Variants in XIRP2 observed in about 807,000 individuals in gnomAD.
The protein encoded by XIRP2 is xin actin binding repeat containing 2.
A neutral mutation model predicts 277.0 loss-of-function variants in XIRP2; 236 were observed. That is an observed-to-expected ratio of 0.85 (90% CI 0.77 to 0.95). The LOEUF is 0.95. Among genes scored for constraint, XIRP2 ranks in the 40% least tolerant of loss-of-function variants. The pLI, the probability that XIRP2 is intolerant of heterozygous loss-of-function variation, is 0.00. For missense variants in XIRP2, 4,640 were observed against 4,157.5 expected (o/e 1.12, Z -3.19); for synonymous variants, 1,490 against 1,416.5 (o/e 1.05, Z -1.17).
chr2:167,168,849 C>T (rs911375553), intron 3 of XIRP2, among the ~76,000 whole-genome samples: 1 of 152,098 alleles, frequency 6.6e-6, no homozygotes, highest in Non-Finnish European at 1.5e-5. Flanking sequence ...CTCCTGACCT[C>T]GTGATCCGCC....
rs1277815474 is a variant in XIRP2 at position 167,250,135 on chromosome 2, G to T, written c.8743G>T (p.Asp2915Tyr). The T allele has an allele frequency of 3.7e-6, 6 of 1,613,160 alleles. No homozygotes were observed. In the South Asian group the frequency reaches 6.6e-5, roughly 18 times the overall value. ...QEKQVFSNTKDSKQEITQNKS... is the reference protein window; with the variant it reads ...QEKQVFSNTKYSKQEITQNKS... ...GAAACAAGTCTTCTCTAATACTAAA[G>T]ATTCAAAGCAAGAGATTACACAGAA... The change falls in exon 9 of 11, where the codon GAT (aspartate) becomes TAT (tyrosine). Residue 2915 changes from aspartate to tyrosine, a missense_variant. By Grantham distance (160) the Asp-to-Tyr change is radical. Transcript: ENST00000409195.
chr2:167,141,499 C>G (rs1334220943), intron 3 of XIRP2, among the ~76,000 whole-genome samples: 1 of 151,966 alleles, frequency 6.6e-6, no homozygotes, highest in East Asian at 1.9e-4. Flanking sequence ...AAAACATAGG[C>G]CAGGATAGTG....
intron 2 of XIRP2, among the ~76,000 whole-genome samples, chr2:167,112,628 T>A (rs1690791587): frequency 1.3e-5 from 2 of 149,294 alleles, no homozygotes; most frequent in Admixed American, 1.3e-4. Context: ...TATATATTTT[T>A]ATGTATATAT....
intron 2 of XIRP2, among the ~76,000 whole-genome samples, chr2:167,106,868 A>G (rs530057568): frequency 1.3e-5 from 2 of 151,546 alleles, no homozygotes; most frequent in African/African-American, 2.4e-5. Flanking sequence ...CTGTAGTTTT[A>G]GCATAGAAGT....
chr2:167,156,076 C>A lies in XIRP2; in HGVS notation c.562+20014C>A, dbSNP rs996271748. On this transcript the variant is annotated intron_variant, in intron 3 of 10. Transcript: ENST00000409195. ...GACCTCTTCAAGGAGAACTACAAACCACTGCTCAATGAAATAAAAGAGGAT... is the reference window on the plus strand; with the variant it reads ...GACCTCTTCAAGGAGAACTACAAACAACTGCTCAATGAAATAAAAGAGGAT... Among the ~76,000 whole-genome samples, 2 of 151,102 alleles carry A rather than the reference C, an allele frequency of 1.3e-5. 1 individual carries two copies. Among genetic ancestry groups the A allele is most frequent in the African/African-American group, 4.9e-5 (2 of 40,942 alleles).
chr2:167,250,951 G>T lies in XIRP2; in HGVS notation c.9559G>T (p.Asp3187Tyr). 1.2e-6 allele frequency: 2 copies of T among 1,613,584 alleles called. No homozygotes were observed. Among genetic ancestry groups the T allele is most frequent in the African/African-American group, 1.3e-5 (1 of 74,946 alleles). ...CTCTGAACAACTTGTCAGACTCAAA[G>T]ACACCACTGCAAAGTTATCCAAAGG... ...SRSEQLVRLK[D>Y]TTAKLSKGAI... Residue 3187 changes from aspartate (D) to tyrosine (Y), a missense_variant, in exon 9 of 11, where the codon GAC becomes TAC. By Grantham distance (160) the Asp-to-Tyr change is radical. Transcript: ENST00000409195.
At chr2:167,082,376 T>A (rs1372908309) in intron 2 of XIRP2, among the ~76,000 whole-genome samples, 5 of 152,086 alleles carry the variant, frequency 3.3e-5, no homozygotes, top group Non-Finnish European at 7.4e-5. Context: ...TCCAAGTCTT[T>A]GCTATTGTGA....
intron 2 of XIRP2, among the ~76,000 whole-genome samples, chr2:167,120,648 A>C (rs911892716): frequency 2.0e-5 from 3 of 152,138 alleles, no homozygotes; most frequent in Admixed American, 6.6e-5. Flanking sequence ...TTTTTTGGAT[A>C]ATTAGAAGGC....
chr2:167,006,221 A>G (rs1427494046), intron 2 of XIRP2, among the ~76,000 whole-genome samples: 1 of 151,746 alleles, frequency 6.6e-6, no homozygotes, highest in Non-Finnish European at 1.5e-5. Flanking sequence ...ATACTTGGAT[A>G]TGAAATGACT....
At chr2:167,256,590 G>A (rs1695664118) in intron 10 of XIRP2, among the ~76,000 whole-genome samples, 1 of 151,440 alleles carries the variant, frequency 6.6e-6, no homozygotes, top group African/African-American at 2.4e-5. Flanking sequence ...TGTTTTTCTG[G>A]CATGTTTTCA....
chr2:167,075,919 G>A (rs531261262), intron 2 of XIRP2, among the ~76,000 whole-genome samples: 2 of 151,492 alleles, frequency 1.3e-5, no homozygotes, highest in Non-Finnish European at 1.5e-5. Flanking sequence ...CAAGTGATCC[G>A]CTCGCCTCGG....
chr2:167,026,240 G>C (rs1002634414), intron 2 of XIRP2, among the ~76,000 whole-genome samples: 7 of 152,052 alleles, frequency 4.6e-5, no homozygotes, highest in African/African-American at 1.7e-4. Flanking sequence ...GAGCTTTGTT[G>C]GTTTGAAGTC....
At chr2:167,078,666 C>T (rs919477010) in intron 2 of XIRP2, among the ~76,000 whole-genome samples, 1 of 151,928 alleles carries the variant, frequency 6.6e-6, no homozygotes, top group African/African-American at 2.4e-5. Flanking sequence ...GAAACCCTGT[C>T]TCTACTAAAA....
At chr2:166,980,925 C>A (rs1413778821) in intron 2 of XIRP2, among the ~76,000 whole-genome samples, 1 of 151,930 alleles carries the variant, frequency 6.6e-6, no homozygotes, top group Non-Finnish European at 1.5e-5. Flanking sequence ...ATGTTTAGCA[C>A]TCTCTCTAGT....
intron 3 of XIRP2, among the ~76,000 whole-genome samples, chr2:167,167,466 T>C (rs1692559001): frequency 1.3e-5 from 2 of 152,178 alleles, no homozygotes; most frequent in Non-Finnish European, 1.5e-5. Flanking sequence ...TGTGATTTTA[T>C]TTTCTCTCCA....
intron 3 of XIRP2, among the ~76,000 whole-genome samples, chr2:167,139,099 C>T (rs186042102): frequency 1.2e-4 from 17 of 147,090 alleles, no homozygotes; most frequent in African/African-American, 3.8e-4. Context: ...TATATACGTA[C>T]GTATATATAT....
intron 2 of XIRP2, among the ~76,000 whole-genome samples, chr2:167,082,122 A>T (rs1214879402): frequency 8.2e-6 from 1 of 122,588 alleles, no homozygotes; most frequent in Non-Finnish European, 1.6e-5. Flanking sequence ...CAGTCCCCAG[A>T]GTGTGATATT....
intron 3 of XIRP2, among the ~76,000 whole-genome samples, chr2:167,162,694 T>G (rs775652696): frequency 6.6e-6 from 1 of 152,212 alleles, no homozygotes; most frequent in Admixed American, 6.5e-5. Context: ...GATATTTTCG[T>G]ATATTTTTAT....
chr2:167,147,591 C>G (rs1167774503), intron 3 of XIRP2, among the ~76,000 whole-genome samples: 3 of 152,078 alleles, frequency 2.0e-5, no homozygotes, highest in African/African-American at 7.2e-5. Flanking sequence ...AATGAGCTTC[C>G]CTGGTTGGTA....
Sources: gnomAD v4.1 joint callset for allele counts (sites outside exome capture counted in the v4.1 genomes callset) on GRCh38, gnomAD v4.1.1 for gene constraint, MANE v1.5 for transcripts, NCBI Gene and HGNC (gene_info 2026-07-23, HGNC 2026-07-21) for gene names.